Variants in PRKCB observed in about 807,000 individuals in gnomAD.
PRKCB encodes the protein protein kinase C beta type.
PRKCB carries 13 observed loss-of-function variants against 81.5 expected under a neutral mutation model. That is an observed-to-expected ratio of 0.16 (90% CI 0.10 to 0.25). The LOEUF is 0.25. Among genes scored for constraint, PRKCB ranks in the 10% least tolerant of loss-of-function variants. PRKCB has a pLI of 1.00. For missense variants in PRKCB, 509 were observed against 875.7 expected (o/e 0.58, Z 5.29); for synonymous variants, 335 against 321.4 (o/e 1.04, Z -0.45).
intron 2 of PRKCB, among the ~76,000 whole-genome samples, chr16:23,962,193 C>T (rs1399977034): frequency 6.6e-6 from 1 of 152,160 alleles, no homozygotes; most frequent in Non-Finnish European, 1.5e-5. Flanking sequence ...TTCCCCCACC[C>T]TCTAGAGTTA....
chr16:23,979,470 A>C (rs1042946759), intron 2 of PRKCB, among the ~76,000 whole-genome samples: 1 of 152,186 alleles, frequency 6.6e-6, no homozygotes, highest in Non-Finnish European at 1.5e-5. Context: ...TAGGGATGAG[A>C]TATCAAGGCA....
intron 3 of PRKCB, among the ~76,000 whole-genome samples, chr16:24,024,353 G>A (rs1428452678): frequency 6.6e-6 from 1 of 152,198 alleles, no homozygotes; most frequent in East Asian, 1.9e-4. Flanking sequence ...GAGAGTTGCT[G>A]AGCAAAGAGT....
chr16:23,868,785 G>A (rs1212294356), intron 2 of PRKCB, among the ~76,000 whole-genome samples: 1 of 152,168 alleles, frequency 6.6e-6, no homozygotes, highest in Non-Finnish European at 1.5e-5. Context: ...CGGCTGCCAA[G>A]GGTACCCATC....
intron 16 of PRKCB, among the ~76,000 whole-genome samples, chr16:24,201,050 G>A (rs1001167525): frequency 2.0e-5 from 3 of 151,968 alleles, no homozygotes; most frequent in East Asian, 1.9e-4. Flanking sequence ...ACCACCTACC[G>A]GCACCTCCAT....
intron 16 of PRKCB, among the ~76,000 whole-genome samples, chr16:24,202,790 C>T (rs1047973065): frequency 6.6e-6 from 1 of 152,212 alleles, no homozygotes; most frequent in African/African-American, 2.4e-5. Context: ...TGAATAACTT[C>T]CTAGTTTCCT....
chr16:24,216,849 G>A lies in PRKCB; in HGVS notation c.*2033G>A, dbSNP rs1968235119. ...AGAGGAAGGAATTTGCCCAAAGTCA[G>A]TCAGCTGGGATAAAAACCTGGGTGT... On this transcript the variant is annotated 3_prime_UTR_variant, in exon 17 of 17. Transcript: ENST00000643927. The A allele has an allele frequency of 1.0e-6, 1 of 985,380 alleles. No individual in the cohort carries two copies. Among genetic ancestry groups the A allele is most frequent in the African/African-American group, 1.7e-5 (1 of 57,248 alleles). The allele number at this position is 985,380 out of a possible 1,614,324, so 61.0% of individuals were successfully genotyped here.
chr16:24,198,364 A>G (rs1010020021), intron 16 of PRKCB, among the ~76,000 whole-genome samples: 7 of 152,232 alleles, frequency 4.6e-5, no homozygotes, highest in Admixed American at 3.9e-4. Context: ...GCTTACTGTG[A>G]AAACTGGGTA....
At chr16:23,979,600 C>T (rs776778388) in intron 2 of PRKCB, among the ~76,000 whole-genome samples, 17 of 151,080 alleles carry the variant, frequency 1.1e-4, no homozygotes, top group East Asian at 3.9e-4. Context: ...AAAGGTGTTG[C>T]GAAGGAAGAA....
chr16:23,902,559 C>G (rs1027756132), intron 2 of PRKCB, among the ~76,000 whole-genome samples: 1 of 152,080 alleles, frequency 6.6e-6, no homozygotes, highest in African/African-American at 2.4e-5. Context: ...ATTTTACAGA[C>G]GGGGAAGCTG....
At chr16:24,007,639 A>G (rs976880519) in intron 3 of PRKCB, among the ~76,000 whole-genome samples, 3 of 152,232 alleles carry the variant, frequency 2.0e-5, no homozygotes, top group Non-Finnish European at 4.4e-5. Flanking sequence ...CTGGAAGGCC[A>G]GAGAACAGAA....
chr16:23,951,578 G>C (rs1006084105), intron 2 of PRKCB, among the ~76,000 whole-genome samples: 2 of 118,368 alleles, frequency 1.7e-5, no homozygotes, highest in African/African-American at 6.9e-5. Flanking sequence ...ACTATGCCAG[G>C]CTTTTTTTTT....
intron 3 of PRKCB, among the ~76,000 whole-genome samples, chr16:23,994,056 G>C (rs1410434336): frequency 2.0e-5 from 3 of 152,186 alleles, no homozygotes; most frequent in Non-Finnish European, 2.9e-5. Flanking sequence ...ACTGCTAAAA[G>C]TTTATCCTGT....
Position 24,154,670 on chromosome 16 carries a change from GCT to G in PRKCB, c.1066-9_1066-8del. The G allele has an allele frequency of 1.9e-6, 3 of 1,613,708 alleles. No homozygotes were observed. The East Asian group carries it at 6.7e-5, about 36-fold the overall frequency. On this transcript the variant is annotated splice_polypyrimidine_tract_variant and intron_variant, in intron 9 of 16. Coordinates refer to ENST00000643927, the MANE Select transcript of PRKCB (RefSeq NM_002738.7). ...TCCTTCCAACTGCCCTGACATGCTT[GCT>G]CTCTTTCCCAGGTCATGCTTTCAGA...
chr16:23,893,845 T>C (rs1963331405), intron 2 of PRKCB: 1 of 152,398 alleles, frequency 6.6e-6, no homozygotes, highest in Middle Eastern at 3.4e-3. Context: ...CAACCATTGT[T>C]ACAAATAATA....
rs146420793 is a variant in PRKCB, at chr16:24,158,108, T to C, written c.1239+3251T>C. Reference sequence around the variant, plus strand: ...TGTATCGATTGAAAGAAAAAAGTGCTTGGAGAGACGCACTCACTGCAAGCA... The same window carrying C: ...TGTATCGATTGAAAGAAAAAAGTGCCTGGAGAGACGCACTCACTGCAAGCA... On this transcript the variant is annotated intron_variant, in intron 10 of 16. Transcript: ENST00000643927. Among the ~76,000 whole-genome samples the C allele has an allele frequency of 6.7e-3, 1,018 of 152,232 alleles. 5 individuals are homozygous for C. The highest frequency in any genetic ancestry group is 9.5e-3 in the Non-Finnish European group (647 of 68,012).
intron 7 of PRKCB, among the ~76,000 whole-genome samples, chr16:24,100,350 A>T (rs1433004615): frequency 1.3e-5 from 2 of 152,070 alleles, no homozygotes; most frequent in Non-Finnish European, 2.9e-5. Flanking sequence ...CTGAAGTGGG[A>T]CTGGTCCCAC....
chr16:24,179,960 T>C (rs1217412671), intron 12 of PRKCB, among the ~76,000 whole-genome samples: 2 of 152,186 alleles, frequency 1.3e-5, no homozygotes, highest in Non-Finnish European at 2.9e-5. Context: ...TTTTTTTTTT[T>C]TCAAGACGGA....
chr16:24,093,209 G>A (rs1248590084), intron 6 of PRKCB, among the ~76,000 whole-genome samples: 1 of 152,154 alleles, frequency 6.6e-6, no homozygotes, highest in African/African-American at 2.4e-5. Context: ...GGTAGGACAG[G>A]AAATGGTGTG....
intron 2 of PRKCB, among the ~76,000 whole-genome samples, chr16:23,979,721 T>C (rs1964670180): frequency 6.6e-6 from 1 of 152,138 alleles, no homozygotes. Flanking sequence ...ACTGTGTGAG[T>C]TGAGAGTGTG....
Sources: allele counts gnomAD v4.1 joint callset (sites outside exome capture counted in the v4.1 genomes callset), GRCh38; gene constraint gnomAD v4.1.1; transcripts MANE v1.5; gene names NCBI Gene and HGNC (gene_info 2026-07-23, HGNC 2026-07-21).